The following RRAGD variants were observed in gnomAD, a reference collection of about 807,000 sequenced individuals.
The protein encoded by RRAGD is ras-related GTP-binding protein D.
Under a neutral mutation model 35.5 loss-of-function variants are expected in RRAGD, and 12 were observed. The ratio of observed to expected loss-of-function variants is 0.34; its 90% CI spans 0.22 to 0.55. The LOEUF (loss-of-function observed/expected upper bound fraction) is 0.55, where lower values mean the gene tolerates loss of function less well. RRAGD is among the 20% of genes least tolerant of loss of function. The pLI is 0.91. For missense variants in RRAGD, 324 were observed against 490.1 expected (o/e 0.66, Z 3.20); for synonymous variants, 155 against 178.9 (o/e 0.87, Z 1.07).
rs2127882629 is a variant in RRAGD, at chr6:89,367,904, G to A, written c.*152C>T. ...CAAAGTGCTTACTTTATTTATAAAAGAGAAGATCAAGAGGGTTGCAGGAAT... is the reference window on the plus strand; with the variant it reads ...CAAAGTGCTTACTTTATTTATAAAAAAGAAGATCAAGAGGGTTGCAGGAAT... On this transcript the variant is annotated 3_prime_UTR_variant, in exon 7 of 7. Coordinates refer to ENST00000369415, the MANE Select transcript of RRAGD (RefSeq NM_021244.5). The A allele has an allele frequency of 1.7e-6, 1 of 589,724 alleles. No individual in the cohort carries two copies. The highest frequency in any genetic ancestry group is 2.7e-6 in the Non-Finnish European group (1 of 370,128). 36.5% of individuals were successfully genotyped at this position (589,724 alleles called of 1,614,324 possible).
Position 89,408,842 on chromosome 6 carries a change from G to T in RRAGD, c.148+3004C>A, listed in dbSNP as rs141774442. 1.9e-3 allele frequency among the ~76,000 whole-genome samples: 283 copies of T among 152,278 alleles called. 1 individual carries two copies. The highest frequency in any genetic ancestry group is 6.8e-3 in the Middle Eastern group (2 of 294). On this transcript the variant is annotated intron_variant, in intron 1 of 6. Coordinates refer to ENST00000369415, the MANE Select transcript of RRAGD (RefSeq NM_021244.5). ...ATTTATCAAAAGATTTAAAGTCCAT[G>T]AATCTAAAAATAATCATTATTTTTG...
chr6:89,402,038 ATTTTTTTT>A (rs71556520), intron 1 of RRAGD, among the ~76,000 whole-genome samples: 4 of 78,436 alleles, frequency 5.1e-5, no homozygotes, highest in African/African-American at 2.5e-4. Context: ...AATCCTAAGG[ATTTTTTTT>A]TTTTTTTTTT....
chr6:89,406,634 A>G (rs1057203363), intron 1 of RRAGD, among the ~76,000 whole-genome samples: 48 of 152,168 alleles, frequency 3.2e-4, no homozygotes, highest in Non-Finnish European at 1.0e-4. Context: ...CTTCTATTCA[A>G]TAAAATCTTG....
Position 89,372,379 on chromosome 6 carries a change from T to A in RRAGD, c.1051+58A>T, listed in dbSNP as rs561550969. ...CCACCCACATTCAACAAACAATACA[T>A]GCAGTAGCAGTCTGATGCTTCTTTT... On this transcript the variant is annotated intron_variant, in intron 6 of 6. Transcript: ENST00000369415. The A allele has an allele frequency of 5.1e-5, 77 of 1,522,808 alleles. No homozygotes were observed. In the African/African-American group the frequency reaches 9.7e-4, roughly 19 times the overall value. 94.3% of individuals were successfully genotyped at this position (1,522,808 alleles called of 1,614,324 possible). A position where few individuals can be genotyped will look rare whatever the true frequency, so the allele number is the denominator to read the frequency against.
chr6:89,381,066 T>G (rs1472294856), intron 2 of RRAGD, among the ~76,000 whole-genome samples: 1 of 152,182 alleles, frequency 6.6e-6, no homozygotes, highest in Non-Finnish European at 1.5e-5. Context: ...TACAGGCCAC[T>G]GGGCGGGTGG....
chr6:89,411,715 A>C lies in RRAGD; in HGVS notation c.148+131T>G. On this transcript the variant is annotated intron_variant, in intron 1 of 6. Transcript: ENST00000369415. This position sits in a 1 kb window ranked among gnomAD's most constrained non-coding sequence, Gnocchi z 5.6. Reference sequence around the variant, plus strand: ...GGCTTTTGGCGTCCCTCCCCACCCCAAACCCTCAACTGGACCCGCTCCCCT... The same window carrying C: ...GGCTTTTGGCGTCCCTCCCCACCCCCAACCCTCAACTGGACCCGCTCCCCT... The C allele has an allele frequency of 2.8e-5, 28 of 1,008,402 alleles. No homozygotes were observed. The highest frequency in any genetic ancestry group is 2.9e-5 in the Non-Finnish European group (21 of 716,266). 62.5% of individuals were successfully genotyped at this position (1,008,402 alleles called of 1,614,324 possible).
chr6:89,388,425 C>T (rs1243997296), intron 1 of RRAGD, among the ~76,000 whole-genome samples: 4 of 151,874 alleles, frequency 2.6e-5, no homozygotes, highest in African/African-American at 9.7e-5. Flanking sequence ...TGGTGAGGGG[C>T]GCATAACAGT....
chr6:89,380,436 A>T (rs982904475), intron 2 of RRAGD, 69 bp from the exon 3 acceptor site: 1 of 1,361,484 alleles, frequency 7.3e-7, no homozygotes, highest in Admixed American at 2.1e-5. Flanking sequence ...CACACTCTTC[A>T]CCTGGAAACC....
At chr6:89,373,478 C>T (rs1474325258) in intron 5 of RRAGD, among the ~76,000 whole-genome samples, 1 of 152,052 alleles carries the variant, frequency 6.6e-6, no homozygotes, top group African/African-American at 2.4e-5. Context: ...ACAGGCACCA[C>T]GTGGTGGCGC....
chr6:89,406,475 G>C (rs1769581855), intron 1 of RRAGD, among the ~76,000 whole-genome samples: 1 of 151,970 alleles, frequency 6.6e-6, no homozygotes. Flanking sequence ...TGGACATCGA[G>C]AGGAGTGGAT....
Position 89,411,795 on chromosome 6 carries a change from C to A in RRAGD, c.148+51G>T. The A allele has an allele frequency of 6.6e-7, 1 of 1,516,916 alleles. No homozygotes were observed. The highest frequency in any genetic ancestry group is 8.8e-7 in the Non-Finnish European group (1 of 1,135,682). 94.0% of individuals were successfully genotyped at this position (1,516,916 alleles called of 1,614,324 possible). Reference sequence around the variant, plus strand: ...CGGCCGGGCTGGGGGCGGGAAGGCGCCAAGGGGAGGAAAGGGGCGCGAGCC... The same window carrying A: ...CGGCCGGGCTGGGGGCGGGAAGGCGACAAGGGGAGGAAAGGGGCGCGAGCC... On this transcript the variant is annotated intron_variant, in intron 1 of 6. Coordinates refer to ENST00000369415, the MANE Select transcript of RRAGD (RefSeq NM_021244.5). The surrounding 1 kb of genome is among the most constrained non-coding windows in gnomAD (Gnocchi z 5.6).
At chr6:89,408,395 T>C (rs868709213) in intron 1 of RRAGD, among the ~76,000 whole-genome samples, 5 of 152,332 alleles carry the variant, frequency 3.3e-5, no homozygotes, top group Middle Eastern at 3.4e-3. Context: ...CATGCATGCC[T>C]ATAATCCTAG....
At chr6:89,373,044 A>T (rs1181143276) in intron 5 of RRAGD, among the ~76,000 whole-genome samples, 1 of 152,250 alleles carries the variant, frequency 6.6e-6, no homozygotes, top group Non-Finnish European at 1.5e-5. Flanking sequence ...AAAAGATAGA[A>T]TTGGGACCAC....
intron 1 of RRAGD, among the ~76,000 whole-genome samples, chr6:89,397,442 T>C (rs781208625): frequency 6.6e-6 from 1 of 152,082 alleles, no homozygotes; most frequent in Non-Finnish European, 1.5e-5. Context: ...TAAAGGATCA[T>C]AACAACTTTA....
At chr6:89,395,498 C>T (rs961122414) in intron 1 of RRAGD, among the ~76,000 whole-genome samples, 2 of 152,224 alleles carry the variant, frequency 1.3e-5, no homozygotes, top group Non-Finnish European at 2.9e-5. Context: ...AAAGAGACAA[C>T]TGACATGCTG....
intron 1 of RRAGD, among the ~76,000 whole-genome samples, chr6:89,408,641 C>T (rs1459119416): frequency 6.6e-6 from 1 of 152,186 alleles, no homozygotes; most frequent in African/African-American, 2.4e-5. Flanking sequence ...TAAGGGTGCG[C>T]ACAGGCTGCT....
At chr6:89,396,616 G>A (rs150169429) in intron 1 of RRAGD, among the ~76,000 whole-genome samples, 3,919 of 151,226 alleles carry the variant, frequency 0.026, 163 homozygotes, top group African/African-American at 0.09. Flanking sequence ...ATGGGGTTTC[G>A]CCATGTTGCC....
chr6:89,385,462 C>G (rs1769124120), intron 2 of RRAGD, among the ~76,000 whole-genome samples: 1 of 152,148 alleles, frequency 6.6e-6, no homozygotes, highest in Non-Finnish European at 1.5e-5. Flanking sequence ...CCCTTCCCTA[C>G]AGCAGTGTGC....
intron 1 of RRAGD, 56 bp from the exon 2 acceptor site, chr6:89,387,646 G>C: frequency 6.7e-7 from 1 of 1,490,032 alleles, no homozygotes; most frequent in East Asian, 2.3e-5. Flanking sequence ...AGGTTAATTA[G>C]AGGAGTTTCA....
Sources: allele counts gnomAD v4.1 joint callset (sites outside exome capture counted in the v4.1 genomes callset), GRCh38; gene constraint gnomAD v4.1.1; non-coding constraint Gnocchi (gnomAD v3.1); transcripts MANE v1.5; gene names NCBI Gene and HGNC (gene_info 2026-07-23, HGNC 2026-07-21).